The following PCNT variants were observed in gnomAD, a reference collection of about 807,000 sequenced individuals.
PCNT encodes kendrin.
Under a neutral mutation model 380.4 loss-of-function variants are expected in PCNT, and 319 were observed. That is an observed-to-expected ratio of 0.84 (90% confidence interval 0.77 to 0.92). The LOEUF is 0.92. PCNT is among the 40% of genes least tolerant of loss of function. The probability of loss-of-function intolerance (pLI) is 0.00; values close to 1 mark genes in which losing one functional copy is unlikely to be tolerated. For synonymous variants in PCNT, 1,845 were observed against 1,735.2 expected, an observed-to-expected ratio of 1.06 and a Z score of -1.57; for missense variants, 4,400 against 4,255.3, an observed-to-expected ratio of 1.03 and a Z score of -0.95.
chr21:46,326,574 G>T lies in PCNT; in HGVS notation c.252G>T (p.Gly84=). 6.2e-7 allele frequency: 1 copy of T among 1,613,974 alleles called. No individual in the cohort carries two copies. The highest frequency in any genetic ancestry group is 8.5e-7 in the Non-Finnish European group (1 of 1,179,906). The change falls in exon 2 of 47, where the codon GGG becomes GGT. Residue 84 remains glycine, a synonymous_variant. Transcript: ENST00000359568. ...ACGACACCCCTGATGGGGCAGGAGG[G>T]GCCTTTGCAGCTCAGGTAGATTTGC... ...SCDDTPDGAG[G]AFAAQPEDCD... is the part of the protein sequence containing the mutation.
At chr21:46,444,970 C>T (rs2053715941) in intron 46 of PCNT, 149 bp downstream of exon 46, 1 of 786,302 alleles carries the variant, frequency 1.3e-6, no homozygotes, top group Non-Finnish European at 2.1e-6. Context: ...AGAATAGAGG[C>T]TACAAGTGAA....
At position 46,347,007 on chromosome 21, in the gene PCNT, T is replaced by C; in HGVS notation, c.976+9T>C. 6.3e-7 allele frequency: 1 copy of C among 1,592,170 alleles called. No individual in the cohort carries two copies. Among genetic ancestry groups the C allele is most frequent in the East Asian group, 2.3e-5 (1 of 44,174 alleles). ...GTGTGGACAGGAAGCAGGTACTGCA[T>C]GGCTAGGCGGGCACGGGCAGCGTGT... On this transcript the variant is annotated intron_variant, in intron 5 of 46. Coordinates refer to ENST00000359568, the MANE Select transcript of PCNT (RefSeq NM_006031.6).
rs750149641 is a variant in PCNT, at chr21:46,353,138, T to C, written c.1491T>C (p.Arg497=). Reference sequence around the variant, plus strand: ...AGCAACTCCTGGCGCGCACCTCTCGTGTGGAAGATTTAGAACAGCTGAAGC... The same window carrying C: ...AGCAACTCCTGGCGCGCACCTCTCGCGTGGAAGATTTAGAACAGCTGAAGC... ...LHEQLLARTS[R]VEDLEQLKQR... is the part of the protein sequence containing the mutation. Residue 497 remains arginine, a synonymous_variant, in exon 10 of 47, where the codon CGT becomes CGC. Coordinates refer to ENST00000359568, the MANE Select transcript of PCNT (RefSeq NM_006031.6). The C allele has an allele frequency of 1.2e-6, 2 of 1,613,952 alleles. No individual in the cohort carries two copies. Among genetic ancestry groups the C allele is most frequent in the Non-Finnish European group, 1.7e-6 (2 of 1,180,000 alleles).
intron 13 of PCNT, among the ~76,000 whole-genome samples, chr21:46,362,393 T>C (rs1035724299): frequency 2.6e-5 from 4 of 152,182 alleles, no homozygotes; most frequent in African/African-American, 9.7e-5. Flanking sequence ...TGTCCAGCCC[T>C]CTGCAGGGTC....
chr21:46,356,937 C>T (rs995742153), intron 12 of PCNT, 37 bp from the exon 13 acceptor site: 3 of 1,592,912 alleles, frequency 1.9e-6, no homozygotes, highest in East Asian at 2.2e-5. Flanking sequence ...AGGGCCGGCA[C>T]CGGCCTGACT....
rs575037430 is a variant in PCNT at position 46,346,863 on chromosome 21, C to T, written c.841C>T (p.Arg281Trp). 5.2e-5 allele frequency: 84 copies of T among 1,608,320 alleles called. No homozygotes were observed. Among genetic ancestry groups the T allele is most frequent in the African/African-American group, 1.7e-4 (13 of 74,992 alleles). The change falls in exon 5 of 47, where the codon CGG (arginine) becomes TGG (tryptophan). Residue 281 changes from arginine (R) to tryptophan (W), a missense_variant. Transcript: ENST00000359568. ...GAAGGAGACGGCATTGACGGAGCTGCGGGAGATGCTCAACAGCCGGCGTGC... is the reference window on the plus strand; with the variant it reads ...GAAGGAGACGGCATTGACGGAGCTGTGGGAGATGCTCAACAGCCGGCGTGC... ...KEKETALTEL[R>W]EMLNSRRAQE...
intron 2 of PCNT, among the ~76,000 whole-genome samples, 175 bp from the exon 3 acceptor site, chr21:46,334,220 AAT>A (rs1446295347): frequency 3.3e-5 from 5 of 152,092 alleles, no homozygotes; most frequent in African/African-American, 1.2e-4. Context: ...AAAAAAAAAA[AAT>A]GTTTAGAGCT....
intron 15 of PCNT, among the ~76,000 whole-genome samples, chr21:46,381,007 C>T (rs994878264): frequency 5.3e-5 from 8 of 151,984 alleles, no homozygotes; most frequent in African/African-American, 1.2e-4. Context: ...CCTATCTCTA[C>T]TAAAAGAAAA....
intron 11 of PCNT, 25 bp from the exon 12 acceptor site, chr21:46,355,427 C>G (rs763789220): frequency 2.5e-6 from 4 of 1,611,966 alleles, no homozygotes; most frequent in East Asian, 4.5e-5. Context: ...CACTAACGTG[C>G]TTGTCCCACG....
At chr21:46,405,384 C>G (rs2086592938) in intron 27 of PCNT, among the ~76,000 whole-genome samples, 1 of 152,184 alleles carries the variant, frequency 6.6e-6, no homozygotes, top group Non-Finnish European at 1.5e-5. Context: ...TTAAAAATAG[C>G]CTTTTGGGTT....
At chr21:46,382,242 C>T (rs377655824) in intron 16 of PCNT, among the ~76,000 whole-genome samples, 17 of 146,314 alleles carry the variant, frequency 1.2e-4, no homozygotes, top group East Asian at 1.1e-3. Context: ...CATTCAGTGG[C>T]GGAAGCCCAT....
At position 46,346,308 on chromosome 21, in the gene PCNT, C is replaced by T. The variant is rs2084065379; in HGVS notation, c.720+100C>T. 7.6e-6 allele frequency: 5 copies of T among 659,876 alleles called. No homozygotes were observed. The Admixed American group carries it at 1.0e-4, about 13-fold the overall frequency. 40.9% of individuals were successfully genotyped at this position (659,876 alleles called of 1,614,324 possible). ...GGGGGTGGGGTGGGCGCTGCCATCT[C>T]CTTTCTCTGAGTTGTCTGTTTCCAC... On this transcript the variant is annotated intron_variant, in intron 4 of 46. Transcript: ENST00000359568.
At chr21:46,338,284 G>A (rs1358822538) in intron 3 of PCNT, among the ~76,000 whole-genome samples, 4 of 152,130 alleles carry the variant, frequency 2.6e-5, no homozygotes, top group African/African-American at 9.7e-5. Flanking sequence ...AAGAGGGCCC[G>A]TGTCCTCTTT....
At chr21:46,398,592 G>A (rs897610586) in intron 24 of PCNT, among the ~76,000 whole-genome samples, 10 of 152,288 alleles carry the variant, frequency 6.6e-5, no homozygotes, top group East Asian at 3.9e-4. Flanking sequence ...ACGGACCCTC[G>A]TGTACTGGGT....
At chr21:46,337,307 T>C (rs1184284136) in intron 3 of PCNT, among the ~76,000 whole-genome samples, 1 of 152,120 alleles carries the variant, frequency 6.6e-6, no homozygotes, top group Non-Finnish European at 1.5e-5. Flanking sequence ...TCAACTCTCC[T>C]GTAAGTGTAT....
In PCNT at chr21:46,425,938, A is replaced by G. The variant is rs2087476814; in HGVS notation, c.7287A>G (p.Ile2429Met). 6.2e-7 allele frequency: 1 copy of G among 1,613,980 alleles called. No individual in the cohort carries two copies. Among genetic ancestry groups the G allele is most frequent in the Non-Finnish European group, 8.5e-7 (1 of 1,180,034 alleles). The change falls in exon 33 of 47, where the codon ATA becomes ATG. Residue 2429 changes from isoleucine to methionine, a missense_variant. By Grantham distance (10) the Ile-to-Met change is conservative. Transcript: ENST00000359568. This position sits in a 1 kb window ranked among gnomAD's most constrained non-coding sequence, Gnocchi z 4.2. Reference protein sequence around the residue: ...EPHPPRKEDEIQDISLHGGKT... With the variant: ...EPHPPRKEDEMQDISLHGGKT... ...ACCCACCCCGGAAGGAAGACGAGAT[A>G]CAGGACATCTCGCTCCATGGGGGAA...
intron 27 of PCNT, among the ~76,000 whole-genome samples, chr21:46,405,132 A>T (rs1017031890): frequency 1.3e-5 from 2 of 152,156 alleles, no homozygotes; most frequent in Non-Finnish European, 1.5e-5. Flanking sequence ...ACTCTGAAGG[A>T]TGAGATAGGA....
At chr21:46,401,784 TG>T in intron 26 of PCNT, 63 bp downstream of exon 26, 1 of 1,505,314 alleles carries the variant, frequency 6.6e-7, no homozygotes, top group East Asian at 2.3e-5. Flanking sequence ...GGCTTCTCTG[TG>T]GCAGATCCGA....
In PCNT at chr21:46,442,555, G is replaced by A. The variant is rs1009716049; in HGVS notation, c.9682G>A (p.Gly3228Ser). The A allele has an allele frequency of 4.3e-6, 7 of 1,611,104 alleles. No individual in the cohort carries two copies. The highest frequency in any genetic ancestry group is 3.3e-5 in the South Asian group (3 of 91,018). ...AGATCGGAAAGGAGCTCTGGCACAAGGCAAAGCCCCTCGCCCAGGTGGGAC... is the reference window on the plus strand; with the variant it reads ...AGATCGGAAAGGAGCTCTGGCACAAAGCAAAGCCCCTCGCCCAGGTGGGAC... ...EVDRKGALAQ[G>S]KAPRPGPRAR... The change falls in exon 44 of 47, where the codon GGC (glycine) becomes AGC (serine). Residue 3228 changes from glycine (G) to serine (S), a missense_variant. Gly to Ser is a moderately conservative substitution (Grantham distance 56). Coordinates refer to ENST00000359568, the MANE Select transcript of PCNT (RefSeq NM_006031.6).
Sources: gnomAD v4.1 joint callset for allele counts (sites outside exome capture counted in the v4.1 genomes callset) on GRCh38, gnomAD v4.1.1 for gene constraint, Gnocchi (gnomAD v3.1) non-coding constraint, MANE v1.5 for transcripts, NCBI Gene and HGNC (gene_info 2026-07-23, HGNC 2026-07-21) for gene names.